Variants in LHFPL3 observed in about 807,000 individuals in gnomAD.
The protein encoded by LHFPL3 is LHFPL tetraspan subfamily member 3 protein.
LHFPL3 carries 5 observed loss-of-function variants against 19.3 expected under a neutral mutation model. The ratio of observed to expected loss-of-function variants is 0.26; its 90% CI spans 0.14 to 0.54. The LOEUF (loss-of-function observed/expected upper bound fraction) is 0.54. Ranked by LOEUF, LHFPL3 falls within the 20% of genes least tolerant of loss-of-function variation. The pLI is 0.94. For synonymous variants in LHFPL3, 133 were observed against 126.2 expected (o/e 1.05, Z -0.36); for missense variants, 249 against 307.4 (o/e 0.81, Z 1.42).
chr7:104,370,379 A>G (rs1790588602), intron 1 of LHFPL3, among the ~76,000 whole-genome samples: 1 of 152,102 alleles, frequency 6.6e-6, no homozygotes, highest in Admixed American at 6.6e-5. Context: ...TTCCTCTTTC[A>G]GTCTTCCAGG....
At chr7:104,377,626 G>T (rs1790741461) in intron 1 of LHFPL3, among the ~76,000 whole-genome samples, 1 of 152,112 alleles carries the variant, frequency 6.6e-6, no homozygotes, top group Admixed American at 6.6e-5. Context: ...GAATTTACTT[G>T]CACCTGTGAG....
At chr7:104,440,746 A>G (rs1792209974) in intron 1 of LHFPL3, among the ~76,000 whole-genome samples, 1 of 152,306 alleles carries the variant, frequency 6.6e-6, no homozygotes, top group South Asian at 2.1e-4. Flanking sequence ...CATTATTTCT[A>G]AGGAATGTTG....
At chr7:104,626,183 C>T (rs1791542516) in intron 1 of LHFPL3, among the ~76,000 whole-genome samples, 2 of 152,114 alleles carry the variant, frequency 1.3e-5, no homozygotes, top group African/African-American at 4.8e-5. Context: ...GACATGAGTG[C>T]CTGCTTCCTT....
chr7:104,819,296 C>T (rs1192465471), intron 2 of LHFPL3, among the ~76,000 whole-genome samples: 1 of 151,488 alleles, frequency 6.6e-6, no homozygotes, highest in Non-Finnish European at 1.5e-5. Context: ...CACCAGGGTT[C>T]ACCAGTTCAG....
chr7:104,748,670 AC>A (rs1212634315), intron 2 of LHFPL3, among the ~76,000 whole-genome samples: 1 of 151,916 alleles, frequency 6.6e-6, no homozygotes. Flanking sequence ...TTGTCTTGTG[AC>A]CCTGACACAT....
At chr7:104,518,032 A>G (rs920204241) in intron 1 of LHFPL3, among the ~76,000 whole-genome samples, 2 of 152,144 alleles carry the variant, frequency 1.3e-5, no homozygotes. Flanking sequence ...AAAAAAACCA[A>G]AAGTCAAATT....
intron 1 of LHFPL3, among the ~76,000 whole-genome samples, chr7:104,417,881 CTTCTTT>C (rs1791655281): frequency 1.7e-5 from 2 of 115,436 alleles, no homozygotes; most frequent in African/African-American, 3.6e-5. Context: ...TCTTCTTCTT[CTTCTTT>C]TTTTTTTTTT....
In LHFPL3 at chr7:104,456,368, A is replaced by C. The variant is rs57836692; in HGVS notation, c.445+127144A>C. 5.5e-3 allele frequency among the ~76,000 whole-genome samples: 833 copies of C among 152,286 alleles called. 49 individuals are homozygous for C. In the East Asian group the frequency reaches 0.13, roughly 24 times the overall value. The stretch of plus-strand genomic sequence containing the variant: ...TATAACTTTTAAAAAATATTTAAGA[A>C]ACTGAAACAATAGAGACACATTACA... On this transcript the variant is annotated intron_variant, in intron 1 of 2. Coordinates refer to ENST00000424859, the MANE Select transcript of LHFPL3 (RefSeq NM_199000.3).
In LHFPL3 at chr7:104,380,405, G is replaced by A. The variant is rs17137144; in HGVS notation, c.445+51181G>A. Among the ~76,000 whole-genome samples, 851 of 152,136 alleles carry A rather than the reference G, an allele frequency of 5.6e-3. 2 individuals carry two copies. Among genetic ancestry groups the A allele is most frequent in the African/African-American group, 0.02 (815 of 41,526 alleles). On this transcript the variant is annotated intron_variant, in intron 1 of 2. Transcript: ENST00000424859. Reference sequence around the variant, plus strand: ...ACTGGTATTTCTGCAGAAGATTCAAGAACAAATAGAACTAAGCAGTATTCA... The same window carrying A: ...ACTGGTATTTCTGCAGAAGATTCAAAAACAAATAGAACTAAGCAGTATTCA...
intron 1 of LHFPL3, among the ~76,000 whole-genome samples, chr7:104,689,512 C>T (rs1205408901): frequency 6.6e-6 from 1 of 152,138 alleles, no homozygotes; most frequent in Non-Finnish European, 1.5e-5. Context: ...AATTTCCAGA[C>T]TTGAACCAGT....
intron 1 of LHFPL3, among the ~76,000 whole-genome samples, chr7:104,332,572 C>G (rs188391596): frequency 6.6e-6 from 1 of 152,086 alleles, no homozygotes; most frequent in African/African-American, 2.4e-5. Context: ...ATGAAACAGA[C>G]TTCTTATGAT....
chr7:104,795,061 T>C (rs1173693424), intron 2 of LHFPL3, among the ~76,000 whole-genome samples: 1 of 152,072 alleles, frequency 6.6e-6, no homozygotes, highest in East Asian at 1.9e-4. Flanking sequence ...GCGTCTAAAG[T>C]CCCCTAGAAA....
intron 1 of LHFPL3, among the ~76,000 whole-genome samples, chr7:104,723,796 T>G (rs150307584): frequency 2.2e-5 from 3 of 137,010 alleles, no homozygotes; most frequent in Non-Finnish European, 4.7e-5. Flanking sequence ...GCTGCCAAAA[T>G]GAAGAAATAC....
chr7:104,841,471 T>C (rs374735818), intron 2 of LHFPL3, among the ~76,000 whole-genome samples: 9 of 150,052 alleles, frequency 6.0e-5, no homozygotes, highest in African/African-American at 2.2e-4. Context: ...CAAGCCAATA[T>C]GTATTACGAT....
intron 1 of LHFPL3, among the ~76,000 whole-genome samples, chr7:104,522,119 A>G (rs1241187637): frequency 6.6e-6 from 1 of 152,084 alleles, no homozygotes; most frequent in Non-Finnish European, 1.5e-5. Flanking sequence ...TCACAATAGC[A>G]AAGACTTGGA....
chr7:104,622,969 T>C (rs759890293), intron 1 of LHFPL3: 1 of 327,732 alleles, frequency 3.1e-6, no homozygotes, highest in South Asian at 2.4e-5. Flanking sequence ...CTGTCATTTT[T>C]ATTATAGCTA....
intron 1 of LHFPL3, among the ~76,000 whole-genome samples, chr7:104,455,582 G>A (rs1183735790): frequency 1.3e-5 from 2 of 152,098 alleles, no homozygotes; most frequent in Admixed American, 6.6e-5. Context: ...TTAGCTGGGT[G>A]TGGTGGTACA....
chr7:104,474,687 CAAA>C (rs928431129), intron 1 of LHFPL3, among the ~76,000 whole-genome samples: 5 of 41,048 alleles, frequency 1.2e-4, no homozygotes, highest in Admixed American at 3.2e-4. Context: ...ACAACAACAA[CAAA>C]AAAAAAAAAA....
At chr7:104,623,559 G>A (rs1791490980) in intron 1 of LHFPL3, among the ~76,000 whole-genome samples, 2 of 152,234 alleles carry the variant, frequency 1.3e-5, no homozygotes, top group Admixed American at 1.3e-4. Flanking sequence ...GAGCCTGGGA[G>A]GAGGAGTTTG....
Sources: gnomAD v4.1 joint callset for allele counts (sites outside exome capture counted in the v4.1 genomes callset) on GRCh38, gnomAD v4.1.1 for gene constraint, MANE v1.5 for transcripts, NCBI Gene and HGNC (gene_info 2026-07-23, HGNC 2026-07-21) for gene names.